The following GPR149 variants were observed in gnomAD, a reference collection of about 807,000 sequenced individuals.
GPR149 encodes the protein probable G protein-coupled receptor 149.
Under a neutral mutation model 50.2 loss-of-function variants are expected in GPR149, and 50 were observed. The observed-to-expected ratio is 1.00, with a 90% CI of 0.79 to 1.26. The LOEUF (loss-of-function observed/expected upper bound fraction) is 1.26. Among genes scored for constraint, GPR149 ranks in the 50% most tolerant of loss-of-function variants. The pLI is 0.00. For synonymous variants in GPR149, 405 were observed against 358.2 expected, an observed-to-expected ratio of 1.13 and a Z score of -1.48; for missense variants, 983 against 895.4, an observed-to-expected ratio of 1.10 and a Z score of -1.25.
In GPR149 at chr3:154,346,827, C is replaced by A. The variant is rs775316553; in HGVS notation, c.1624-8556G>T. ...GGCCAGGCTGGTCTTGAGCTCCTGA[C>A]CTCAGGTAATCTGCTCGCCTTGGCC... On this transcript the variant is annotated intron_variant, in intron 3 of 3. Transcript: ENST00000389740. Among the ~76,000 whole-genome samples the A allele has an allele frequency of 1.1e-3, 161 of 152,138 alleles. 4 individuals carry two copies. The highest frequency in any genetic ancestry group is 6.8e-3 in the Middle Eastern group (2 of 294).
chr3:154,355,230 G>A (rs1296803716), intron 3 of GPR149, among the ~76,000 whole-genome samples: 1 of 152,134 alleles, frequency 6.6e-6, no homozygotes, highest in East Asian at 1.9e-4. Flanking sequence ...GTTTCACCAT[G>A]CTGATCAGGC....
chr3:154,353,283 A>G (rs1404796100), intron 3 of GPR149: 1 of 1,431,420 alleles, frequency 7.0e-7, no homozygotes, highest in Non-Finnish European at 9.9e-7. Flanking sequence ...CATTTATCCA[A>G]TAAGGTCAAC....
At chr3:154,388,871 A>ACACACACACACAC in intron 3 of GPR149, among the ~76,000 whole-genome samples, 3 of 144,950 alleles carry the variant, frequency 2.1e-5, no homozygotes, top group South Asian at 4.6e-4. Context: ...ACATATGAAA[A>ACACACACACACAC]ACACACACAC....
chr3:154,380,381 A>G (rs905865991), intron 3 of GPR149, among the ~76,000 whole-genome samples: 1 of 152,176 alleles, frequency 6.6e-6, no homozygotes, highest in Non-Finnish European at 1.5e-5. Flanking sequence ...TACTATTTGA[A>G]TTGATGTCCA....
chr3:154,388,869 AAAACACAC>A (rs1187341548), intron 3 of GPR149, among the ~76,000 whole-genome samples: 5 of 121,432 alleles, frequency 4.1e-5, no homozygotes, highest in South Asian at 2.7e-4. Context: ...ACACATATGA[AAAACACAC>A]ACACACACAC....
intron 3 of GPR149, among the ~76,000 whole-genome samples, chr3:154,415,051 T>A (rs1203568063): frequency 2.0e-5 from 3 of 151,950 alleles, no homozygotes; most frequent in Non-Finnish European, 4.4e-5. Context: ...TCTGTACTAT[T>A]TTTTTGCAAC....
rs2108380917 is a variant in GPR149, at chr3:154,336,517, G to A, written c.*1182C>T. ...CAGGAAGGTTAGAATAAAGCAATTTGAAGGAAAATCACTTTATAATTTTTG... is the reference window on the plus strand; with the variant it reads ...CAGGAAGGTTAGAATAAAGCAATTTAAAGGAAAATCACTTTATAATTTTTG... On this transcript the variant is annotated 3_prime_UTR_variant, in exon 4 of 4. Coordinates refer to ENST00000389740, the MANE Select transcript of GPR149 (RefSeq NM_001038705.3). 1 of 152,192 alleles carries A rather than the reference G, an allele frequency of 6.6e-6. No homozygotes were observed. The allele number at this position is 152,192 out of a possible 1,614,324, so 9.4% of individuals were successfully genotyped here. A position where few individuals can be genotyped will look rare whatever the true frequency, so the allele number is the denominator to read the frequency against.
intron 3 of GPR149, among the ~76,000 whole-genome samples, chr3:154,357,096 T>C (rs910379489): frequency 9.2e-5 from 14 of 152,290 alleles, no homozygotes; most frequent in African/African-American, 2.9e-4. Context: ...ATTCCCTATT[T>C]AATAAATAGT....
At chr3:154,389,634 G>T (rs1715119662) in intron 3 of GPR149, among the ~76,000 whole-genome samples, 1 of 151,966 alleles carries the variant, frequency 6.6e-6, no homozygotes, top group African/African-American at 2.4e-5. Flanking sequence ...GAAACAAGCA[G>T]AAACAAACAA....
chr3:154,411,808 C>T (rs1711841291), intron 3 of GPR149, among the ~76,000 whole-genome samples: 1 of 152,094 alleles, frequency 6.6e-6, no homozygotes, highest in African/African-American at 2.4e-5. Flanking sequence ...GACACTATTC[C>T]AAAAGATAGA....
chr3:154,352,640 C>T (rs2108390112), intron 3 of GPR149: 2 of 778,442 alleles, frequency 2.6e-6, no homozygotes, highest in Middle Eastern at 7.2e-4. Flanking sequence ...GAAATGTGGG[C>T]TAAAGTTGCA....
rs76464507 is a variant in GPR149 at position 154,380,479 on chromosome 3, A to G, written c.1623+40560T>C. Among the ~76,000 whole-genome samples, 306 of 152,248 alleles carry G rather than the reference A, an allele frequency of 2.0e-3. 1 individual carries two copies. Among genetic ancestry groups the G allele is most frequent in the Non-Finnish European group, 3.4e-3 (233 of 68,020 alleles). ...AGTTAACGAGAAAGGCACAAACCAT[A>G]TTTTGCAACGGAACTGCCTCTACAC... is the stretch of plus-strand genomic sequence containing the variant. On this transcript the variant is annotated intron_variant, in intron 3 of 3. Coordinates refer to ENST00000389740, the MANE Select transcript of GPR149 (RefSeq NM_001038705.3).
In GPR149 at chr3:154,421,147, A is replaced by T; in HGVS notation, c.1515T>A (p.Thr505=). 1.9e-6 allele frequency: 3 copies of T among 1,613,386 alleles called. No homozygotes were observed. ...TTCTTTCTGGCCCTTCAGAAAAGGT[A>T]GTTTCTTCATAGTTAATATCACCTC... ...KTGGDINYEE[T]TFSEGPERRL... Residue 505 remains threonine (T), a synonymous_variant, in exon 3 of 4, where the codon ACT becomes ACA. Coordinates refer to ENST00000389740, the MANE Select transcript of GPR149 (RefSeq NM_001038705.3).
chr3:154,408,856 T>A (rs866408224), intron 3 of GPR149, among the ~76,000 whole-genome samples: 12 of 152,170 alleles, frequency 7.9e-5, no homozygotes, highest in South Asian at 4.1e-4. Context: ...CAAGTTTACA[T>A]CCTCCCTATA....
At chr3:154,401,777 A>G (rs947389666) in intron 3 of GPR149, among the ~76,000 whole-genome samples, 6 of 152,222 alleles carry the variant, frequency 3.9e-5, no homozygotes, top group African/African-American at 1.4e-4. Context: ...TGCAGATCAG[A>G]TCCGGCCTGA....
chr3:154,338,069 G>A lies in GPR149; in HGVS notation c.1826C>T (p.Thr609Met), dbSNP rs745881858. The A allele has an allele frequency of 6.2e-6, 10 of 1,614,160 alleles. No individual in the cohort carries two copies. The highest frequency in any genetic ancestry group is 4.5e-5 in the East Asian group (2 of 44,868). ...HEPNSEDSSS[T>M]FVDTSVKIHL... ...TATTTTCACACTGGTGTCCACAAAC[G>A]TGGATGAAGAATCTTCTGAGTTTGG... Residue 609 changes from threonine (T) to methionine (M), a missense_variant, in exon 4 of 4, where the codon ACG becomes ATG. Coordinates refer to ENST00000389740, the MANE Select transcript of GPR149 (RefSeq NM_001038705.3).
intron 3 of GPR149, among the ~76,000 whole-genome samples, chr3:154,408,412 G>A (rs1711752193): frequency 6.6e-6 from 1 of 152,172 alleles, no homozygotes; most frequent in Non-Finnish European, 1.5e-5. Flanking sequence ...CAGCAGGGAG[G>A]CCTGTGGTCT....
intron 1 of GPR149, 70 bp downstream of exon 1, chr3:154,428,565 C>A: frequency 1.3e-6 from 2 of 1,509,264 alleles, no homozygotes; most frequent in South Asian, 1.3e-5. Context: ...AAACCGGCGA[C>A]GCCGGTCCCA....
At chr3:154,384,233 A>G (rs931614927) in intron 3 of GPR149, among the ~76,000 whole-genome samples, 2 of 152,226 alleles carry the variant, frequency 1.3e-5, no homozygotes, top group African/African-American at 4.8e-5. Context: ...TCTTATTTTC[A>G]GTAAACTAAA....
Sources: gnomAD v4.1 joint callset for allele counts (sites outside exome capture counted in the v4.1 genomes callset) on GRCh38, gnomAD v4.1.1 for gene constraint, MANE v1.5 for transcripts, NCBI Gene and HGNC (gene_info 2026-07-23, HGNC 2026-07-21) for gene names.